CSMD1: variants seen among roughly 807,000 people sequenced by gnomAD.
CSMD1 encodes CUB and sushi domain-containing protein 1.
A neutral mutation model predicts 417.5 loss-of-function variants in CSMD1; 213 were observed. The ratio of observed to expected loss-of-function variants is 0.51; its 90% CI spans 0.46 to 0.57. CSMD1 has a LOEUF of 0.57. Among genes scored for constraint, CSMD1 ranks in the 20% least tolerant of loss-of-function variants. The pLI is 0.00. For synonymous variants in CSMD1, 2,862 were observed against 1,736.8 expected, an observed-to-expected ratio of 1.65 and a Z score of -16.11; for missense variants, 6,923 against 4,529.7, an observed-to-expected ratio of 1.53 and a Z score of -15.17.
intron 5 of CSMD1, among the ~76,000 whole-genome samples, chr8:3,803,123 T>C (rs2129073394): frequency 6.6e-6 from 1 of 152,316 alleles, no homozygotes; most frequent in South Asian, 2.1e-4. Context: ...ATGCTGTCTC[T>C]TTGAAGGACT....
chr8:4,589,393 A>C (rs933104214), intron 2 of CSMD1, among the ~76,000 whole-genome samples: 9 of 152,158 alleles, frequency 5.9e-5, no homozygotes, highest in Non-Finnish European at 2.9e-5. Flanking sequence ...TCTGAACCAA[A>C]AACCAATGAT....
chr8:4,048,720 T>C (rs914212647), intron 3 of CSMD1, among the ~76,000 whole-genome samples: 2 of 152,212 alleles, frequency 1.3e-5, no homozygotes, highest in African/African-American at 4.8e-5. Context: ...CATTTATTAA[T>C]ACATACATGT....
At chr8:3,937,947 TACTA>T (rs748710168) in intron 5 of CSMD1, among the ~76,000 whole-genome samples, 2 of 152,154 alleles carry the variant, frequency 1.3e-5, no homozygotes, top group Non-Finnish European at 2.9e-5. Flanking sequence ...TTTAGTTACA[TACTA>T]ACTTACGGTG....
chr8:3,227,887 C>A (rs1798609645), intron 27 of CSMD1, among the ~76,000 whole-genome samples: 1 of 151,852 alleles, frequency 6.6e-6, no homozygotes, highest in South Asian at 2.1e-4. Flanking sequence ...CGTGCCTCAG[C>A]CTCCCAAGTA....
At chr8:4,077,606 C>A (rs1272740654) in intron 3 of CSMD1, among the ~76,000 whole-genome samples, 2 of 152,038 alleles carry the variant, frequency 1.3e-5, no homozygotes, top group Non-Finnish European at 1.5e-5. Flanking sequence ...GTCACTTGAA[C>A]TGCTGGTCAT....
chr8:3,374,125 T>C (rs1274401244), intron 18 of CSMD1, among the ~76,000 whole-genome samples: 3 of 152,016 alleles, frequency 2.0e-5, no homozygotes, highest in African/African-American at 7.2e-5. Flanking sequence ...GCTAATTTTT[T>C]GTATTTTTAG....
intron 1 of CSMD1, among the ~76,000 whole-genome samples, chr8:4,708,207 T>G (rs1382252): frequency 6.6e-6 from 1 of 152,142 alleles, no homozygotes. Flanking sequence ...ACCTGGGCCT[T>G]CTAAAGTGCT....
chr8:4,105,118 T>C (rs554073600), intron 3 of CSMD1, among the ~76,000 whole-genome samples: 6 of 152,330 alleles, frequency 3.9e-5, no homozygotes, highest in South Asian at 4.1e-4. Flanking sequence ...CTTAGCTCCC[T>C]ACATGTAATA....
chr8:4,771,201 C>T (rs1168609623), intron 1 of CSMD1, among the ~76,000 whole-genome samples: 1 of 152,124 alleles, frequency 6.6e-6, no homozygotes, highest in Non-Finnish European at 1.5e-5. Flanking sequence ...GGCCGCTTTG[C>T]CTAAAATTAG....
At chr8:3,059,093 T>C (rs574565121) in intron 49 of CSMD1, among the ~76,000 whole-genome samples, 4 of 152,216 alleles carry the variant, frequency 2.6e-5, no homozygotes, top group Admixed American at 2.6e-4. Flanking sequence ...TCCTCACTAT[T>C]GGATGAGACC....
At chr8:4,296,994 C>G (rs1797722396) in intron 3 of CSMD1, among the ~76,000 whole-genome samples, 1 of 151,880 alleles carries the variant, frequency 6.6e-6, no homozygotes, top group East Asian at 1.9e-4. Flanking sequence ...CAAAGAAGTA[C>G]AAAGACAGGA....
At chr8:4,344,816 G>A (rs963787260) in intron 3 of CSMD1, among the ~76,000 whole-genome samples, 1 of 152,070 alleles carries the variant, frequency 6.6e-6, no homozygotes, top group Non-Finnish European at 1.5e-5. Context: ...ATGATATATA[G>A]CAGCTGATCT....
intron 4 of CSMD1, among the ~76,000 whole-genome samples, chr8:4,022,571 G>C (rs183592496): frequency 1.3e-5 from 2 of 152,248 alleles, no homozygotes; most frequent in African/African-American, 2.4e-5. Flanking sequence ...TGTGCATTGA[G>C]GGCACGAGTA....
At chr8:4,363,055 T>A (rs369661758) in intron 3 of CSMD1, among the ~76,000 whole-genome samples, 1 of 152,136 alleles carries the variant, frequency 6.6e-6, no homozygotes, top group African/African-American at 2.4e-5. Context: ...AGGGAGAAAA[T>A]TGAATTTTCT....
chr8:4,554,793 G>A (rs1053457837), intron 2 of CSMD1, among the ~76,000 whole-genome samples: 3 of 152,164 alleles, frequency 2.0e-5, no homozygotes, highest in Admixed American at 6.5e-5. Context: ...AGCCAGCAGC[G>A]TCCGTCCCTG....
chr8:4,002,731 C>A (rs1011276739), intron 4 of CSMD1, among the ~76,000 whole-genome samples: 1 of 152,058 alleles, frequency 6.6e-6, no homozygotes, highest in Non-Finnish European at 1.5e-5. Context: ...AAATGTACAT[C>A]ATAAATGATG....
intron 3 of CSMD1, among the ~76,000 whole-genome samples, chr8:4,111,360 G>A (rs1030225678): frequency 6.6e-6 from 1 of 152,084 alleles, no homozygotes; most frequent in Admixed American, 6.5e-5. Context: ...AAAGTTTATT[G>A]ATGAAATACA....
At chr8:3,650,690 A>T (rs1361896695) in intron 7 of CSMD1, among the ~76,000 whole-genome samples, 2 of 152,212 alleles carry the variant, frequency 1.3e-5, no homozygotes, top group African/African-American at 4.8e-5. Context: ...GTAAATTATC[A>T]ATGCTGGCTT....
intron 1 of CSMD1, among the ~76,000 whole-genome samples, chr8:4,657,003 A>G (rs1804272895): frequency 6.6e-6 from 1 of 152,032 alleles, no homozygotes; most frequent in African/African-American, 2.4e-5. Context: ...CTCAAAAACC[A>G]CCGTAGGGCA....
Sources: allele counts gnomAD v4.1 joint callset (sites outside exome capture counted in the v4.1 genomes callset), GRCh38; gene constraint gnomAD v4.1.1; transcripts MANE v1.5; gene names NCBI Gene and HGNC (gene_info 2026-07-23, HGNC 2026-07-21).